PAFAH1B1: variants seen among roughly 807,000 people sequenced by gnomAD.
PAFAH1B1 encodes the protein platelet-activating factor acetylhydrolase IB subunit beta.
Under a neutral mutation model 57.5 loss-of-function variants are expected in PAFAH1B1, and 2 were observed. The observed-to-expected ratio is 0.03, with a 90% confidence interval of 0.01 to 0.11. The LOEUF (loss-of-function observed/expected upper bound fraction) is 0.11, where lower values mean the gene tolerates loss of function less well. PAFAH1B1 is among the 10% of genes least tolerant of loss of function. PAFAH1B1 has a pLI of 1.00. For missense variants in PAFAH1B1, 257 were observed against 512.0 expected (o/e 0.50, Z 4.81); for synonymous variants, 152 against 169.6 (o/e 0.90, Z 0.81).
At chr17:2,672,518 C>T (rs1013578750) in intron 6 of PAFAH1B1, 137 bp from the exon 7 acceptor site, 7 of 657,194 alleles carry the variant, frequency 1.1e-5, no homozygotes, top group South Asian at 3.4e-5. Context: ...GTTTCTTATC[C>T]AATTTGTATA....
upstream of PAFAH1B1, chr17:2,593,262 G>A (rs2068041034): frequency 1.3e-5 from 2 of 152,094 alleles, no homozygotes; most frequent in Admixed American, 1.3e-4. Context: ...GCGCCTCCCG[G>A]GGCCCGCCAC....
chr17:2,670,477 G>A, intron 6 of PAFAH1B1, 146 bp downstream of exon 6: 1 of 793,300 alleles, frequency 1.3e-6, no homozygotes, highest in Non-Finnish European at 2.2e-6. Flanking sequence ...ATAGTCCAGG[G>A]ATAAGCCACA....
intron 1 of PAFAH1B1, among the ~76,000 whole-genome samples, chr17:2,595,453 C>T (rs1274400139): frequency 2.9e-5 from 4 of 137,810 alleles, no homozygotes; most frequent in Non-Finnish European, 6.2e-5. Flanking sequence ...AGCAGGGCGG[C>T]TTAATTGCTG....
chr17:2,647,211 G>A (rs1268314393), intron 2 of PAFAH1B1, among the ~76,000 whole-genome samples: 4 of 152,042 alleles, frequency 2.6e-5, no homozygotes, highest in African/African-American at 4.8e-5. Context: ...TTAGCTGGGC[G>A]TCGTGGTGCA....
At chr17:2,601,366 C>G (rs1053114572) in intron 1 of PAFAH1B1, among the ~76,000 whole-genome samples, 1 of 152,162 alleles carries the variant, frequency 6.6e-6, no homozygotes, top group African/African-American at 2.4e-5. Flanking sequence ...AACTCCTGAC[C>G]TCGTGATCTG....
chr17:2,622,031 T>C (rs573254803), intron 1 of PAFAH1B1, among the ~76,000 whole-genome samples: 6 of 152,244 alleles, frequency 3.9e-5, no homozygotes, highest in South Asian at 2.1e-4. Flanking sequence ...GTGAGACTTA[T>C]TCACTATCAC....
chr17:2,636,728 T>C (rs1597540650), intron 1 of PAFAH1B1, among the ~76,000 whole-genome samples: 1 of 152,042 alleles, frequency 6.6e-6, no homozygotes, highest in Non-Finnish European at 1.5e-5. Flanking sequence ...CCCGAAGGTA[T>C]GCATTTTTTT....
chr17:2,680,697 G>C, intron 10 of PAFAH1B1: 1 of 278,806 alleles, frequency 3.6e-6, no homozygotes, highest in East Asian at 1.0e-4. Context: ...TAGAAACTCA[G>C]AAAATTGTAT....
At chr17:2,660,849 C>T (rs1465181389) in intron 2 of PAFAH1B1, among the ~76,000 whole-genome samples, 1 of 152,164 alleles carries the variant, frequency 6.6e-6, no homozygotes, top group Non-Finnish European at 1.5e-5. Flanking sequence ...GATGGTTGAA[C>T]TAATTTATAT....
Position 2,682,236 on chromosome 17 carries a change from A to G in PAFAH1B1, c.*434A>G, listed in dbSNP as rs2069394929. 1 of 158,890 alleles carries G rather than the reference A, an allele frequency of 6.3e-6. No homozygotes were observed. The allele number at this position is 158,890 out of a possible 1,614,324, so 9.8% of individuals were successfully genotyped here. A position where few individuals can be genotyped will look rare whatever the true frequency, so the allele number is the denominator to read the frequency against. ...AGGGCTTTTTCTGAAATGTGTATCT[A>G]TGTAACATCACTTAAGTGTGCTTAA... On this transcript the variant is annotated 3_prime_UTR_variant, in exon 11 of 11. Transcript: ENST00000397195.
chr17:2,640,391 T>C (rs1462105620), intron 2 of PAFAH1B1: 2 of 143,636 alleles, frequency 1.4e-5, no homozygotes, highest in African/African-American at 5.1e-5. Context: ...TTTTTTTTTT[T>C]GACCTTGATG....
intron 1 of PAFAH1B1, among the ~76,000 whole-genome samples, chr17:2,621,802 T>C (rs1012137899): frequency 6.6e-6 from 1 of 151,988 alleles, no homozygotes; most frequent in African/African-American, 2.4e-5. Flanking sequence ...TTGTATTTTT[T>C]AGTAGAGATG....
intron 1 of PAFAH1B1, chr17:2,613,278 T>C: frequency 5.4e-6 from 1 of 186,216 alleles, no homozygotes; most frequent in Non-Finnish European, 1.2e-5. Context: ...CCCTGGCCAC[T>C]TCAGCACAGA....
intron 1 of PAFAH1B1, among the ~76,000 whole-genome samples, chr17:2,605,224 G>GGGA (rs953127931): frequency 1.6e-4 from 25 of 152,302 alleles, no homozygotes; most frequent in African/African-American, 5.3e-4. Context: ...TAGTGTGATG[G>GGGA]GGAGAGGCAA....
intron 2 of PAFAH1B1, chr17:2,638,727 C>T (rs1040549688): frequency 1.5e-5 from 3 of 203,570 alleles, no homozygotes; most frequent in Non-Finnish European, 2.0e-5. Flanking sequence ...AGGCTGGTCT[C>T]GAACTCCTGA....
Position 2,672,325 on chromosome 17 carries a change from G to A in PAFAH1B1, c.569-330G>A, listed in dbSNP as rs16952298. ...AAAAAAAAAAAAATGTTTCCCTAGC[G>A]TTCATATGTAAACATTCAGACTCAC... is the stretch of plus-strand genomic sequence containing the variant. On this transcript the variant is annotated intron_variant, in intron 6 of 10. Transcript: ENST00000397195. Among the ~76,000 whole-genome samples the A allele has an allele frequency of 0.029, 4,203 of 146,876 alleles. 90 individuals carry two copies. The highest frequency in any genetic ancestry group is 0.053 in the Middle Eastern group (15 of 282).
intron 1 of PAFAH1B1, among the ~76,000 whole-genome samples, chr17:2,636,857 CAA>C (rs2068630898): frequency 6.6e-6 from 1 of 152,030 alleles, no homozygotes; most frequent in Non-Finnish European, 1.5e-5. Context: ...CTTAGCTTCT[CAA>C]GTAAGCATGC....
intron 1 of PAFAH1B1, among the ~76,000 whole-genome samples, chr17:2,609,831 T>C (rs999978630): frequency 2.0e-5 from 3 of 151,954 alleles, no homozygotes; most frequent in Admixed American, 6.6e-5. Flanking sequence ...TATTTTAATA[T>C]ATATATATTT....
intron 6 of PAFAH1B1, among the ~76,000 whole-genome samples, 181 bp from the exon 7 acceptor site, chr17:2,672,474 T>C (rs945559687): frequency 2.6e-5 from 4 of 152,156 alleles, no homozygotes; most frequent in Non-Finnish European, 5.9e-5. Context: ...GTTGTTGTTT[T>C]ACTGATTTTT....
Sources: allele counts gnomAD v4.1 joint callset (sites outside exome capture counted in the v4.1 genomes callset), GRCh38; gene constraint gnomAD v4.1.1; transcripts MANE v1.5; gene names NCBI Gene and HGNC (gene_info 2026-07-23, HGNC 2026-07-21).